Variants in CMYA5 observed in about 807,000 individuals in gnomAD.
CMYA5 encodes cardiomyopathy-associated protein 5.
CMYA5 carries 246 observed loss-of-function variants against 318.9 expected under a neutral mutation model. The ratio of observed to expected loss-of-function variants is 0.77; its 90% confidence interval spans 0.70 to 0.86. The LOEUF (loss-of-function observed/expected upper bound fraction) is 0.86. Among genes scored for constraint, CMYA5 ranks in the 40% least tolerant of loss-of-function variants. The pLI is 0.00. For synonymous variants in CMYA5, 1,641 were observed against 1,729.5 expected, an observed-to-expected ratio of 0.95 and a Z score of 1.27; for missense variants, 4,589 against 4,678.2, an observed-to-expected ratio of 0.98 and a Z score of 0.56.
chr5:79,758,594 A>G (rs1015950047), intron 6 of CMYA5, among the ~76,000 whole-genome samples, 159 bp from the exon 7 acceptor site: 1 of 152,064 alleles, frequency 6.6e-6, no homozygotes, highest in East Asian at 1.9e-4. Context: ...ATAAAAAAAT[A>G]TAATTGGGGT....
chr5:79,745,476 G>A, intron 4 of CMYA5, 21 bp downstream of exon 4: 2 of 1,546,814 alleles, frequency 1.3e-6, no homozygotes, highest in Non-Finnish European at 1.8e-6. Context: ...AGTAAAATGG[G>A]CTCAAACACC....
intron 1 of CMYA5, among the ~76,000 whole-genome samples, chr5:79,716,476 T>C (rs532459938): frequency 6.6e-6 from 1 of 152,316 alleles, no homozygotes; most frequent in South Asian, 2.1e-4. Context: ...CACAGTAGAA[T>C]GGGGAAGAGT....
In CMYA5 at chr5:79,737,915, G is replaced by A. The variant is rs777974126; in HGVS notation, c.9150G>A (p.Glu3050=). The A allele has an allele frequency of 6.2e-7, 1 of 1,606,246 alleles. No homozygotes were observed. The highest frequency in any genetic ancestry group is 1.1e-5 in the South Asian group (1 of 88,482). ...TTCAGCCCACAATTCCCAGTGAAGA[G>A]GATTATTTTGAAAAATATACTTTGA... ...SFIQPTIPSE[E]DYFEKYTLID... The change falls in exon 2 of 13, where the codon GAG becomes GAA. Residue 3050 remains glutamate (E), a synonymous_variant. Coordinates refer to ENST00000446378, the MANE Select transcript of CMYA5 (RefSeq NM_153610.5).
Position 79,733,337 on chromosome 5 carries a change from G to T in CMYA5, c.4572G>T (p.Glu1524Asp), listed in dbSNP as rs750242276. Residue 1524 changes from glutamate (E) to aspartate (D), a missense_variant, in exon 2 of 13, where the codon GAG becomes GAT. Physicochemically the swap from Glu to Asp is conservative, Grantham distance 45 (BLOSUM62 2). This residue lies in a region of CMYA5 where 2,132 missense variants were observed against 2,131.3 expected (regional missense o/e 1.00). Coordinates refer to ENST00000446378, the MANE Select transcript of CMYA5 (RefSeq NM_153610.5). ...KSLMSTSEVL[E>D]PEHELPLSLW... is the part of the protein sequence containing the mutation. ...TGATGTCTACCTCAGAGGTGTTAGAGCCTGAACATGAGCTTCCACTCAGCC... is the reference window on the plus strand; with the variant it reads ...TGATGTCTACCTCAGAGGTGTTAGATCCTGAACATGAGCTTCCACTCAGCC... 1 of 1,613,570 alleles carries T rather than the reference G, an allele frequency of 6.2e-7. No individual in the cohort carries two copies. The highest frequency in any genetic ancestry group is 8.5e-7 in the Non-Finnish European group (1 of 1,179,820).
At chr5:79,705,569 C>T (rs1260487987) in intron 1 of CMYA5, among the ~76,000 whole-genome samples, 1 of 152,058 alleles carries the variant, frequency 6.6e-6, no homozygotes, top group African/African-American at 2.4e-5. Flanking sequence ...TTTTATTTCC[C>T]ACCCACACAT....
chr5:79,791,645 C>T (rs901362823), intron 11 of CMYA5, among the ~76,000 whole-genome samples: 3 of 144,914 alleles, frequency 2.1e-5, no homozygotes, highest in African/African-American at 5.2e-5. Flanking sequence ...ACTTGAACCT[C>T]GGAGGTGGAG....
chr5:79,728,701 T>A (rs1445836938), intron 1 of CMYA5, among the ~76,000 whole-genome samples: 6 of 152,110 alleles, frequency 3.9e-5, no homozygotes, highest in African/African-American at 1.2e-4. Flanking sequence ...AGTGAGTCAT[T>A]CCAGCCTGGG....
Position 79,734,423 on chromosome 5 carries a change from TA to T in CMYA5, c.5659del (p.Ile1887PhefsTer24). The T allele has an allele frequency of 6.2e-7, 1 of 1,613,746 alleles. No individual in the cohort carries two copies. The highest frequency in any genetic ancestry group is 8.5e-7 in the Non-Finnish European group (1 of 1,179,806). ...AAGAAACAAAAATGGAAGAATTCTTTATTTCTCCAAAGGATGAAAACTGGAT... is the reference window on the plus strand; with the variant it reads ...AAGAAACAAAAATGGAAGAATTCTTTTTTCTCCAAAGGATGAAAACTGGAT... ...VKETKMEEFFISPKDENWMLG... is the reference protein window; with the variant it reads ...VKETKMEEFFXSPKDENWMLG... On this transcript the variant is annotated frameshift_variant, in exon 2 of 13. Transcript: ENST00000446378. LOFTEE classifies it high-confidence loss of function.
In CMYA5 at chr5:79,738,743, A is replaced by G. The variant is rs1828145127; in HGVS notation, c.9978A>G (p.Thr3326=). ...NVAMQKKAPI[T]EDVRVATQKI... is the part of the protein sequence containing the mutation. ...CGATGCAGAAGAAAGCTCCCATCAC[A>G]GAGGACGTCAGAGTGGCTACCCAGA... Residue 3326 remains threonine (T), a synonymous_variant, in exon 2 of 13, where the codon ACA becomes ACG. Coordinates refer to ENST00000446378, the MANE Select transcript of CMYA5 (RefSeq NM_153610.5). 1 of 1,613,976 alleles carries G rather than the reference A, an allele frequency of 6.2e-7. No homozygotes were observed. Among genetic ancestry groups the G allele is most frequent in the Non-Finnish European group, 8.5e-7 (1 of 1,179,866 alleles).
intron 1 of CMYA5, among the ~76,000 whole-genome samples, chr5:79,698,735 C>T (rs1052942312): frequency 6.6e-6 from 1 of 152,188 alleles, no homozygotes; most frequent in Non-Finnish European, 1.5e-5. Flanking sequence ...TAGCACCTAT[C>T]GTTATCTGCA....
chr5:79,759,236 G>A (rs1449895461), intron 7 of CMYA5, among the ~76,000 whole-genome samples: 1 of 152,206 alleles, frequency 6.6e-6, no homozygotes, highest in African/African-American at 2.4e-5. Flanking sequence ...GAGTTTCAAG[G>A]AAAATAAAGT....
intron 11 of CMYA5, among the ~76,000 whole-genome samples, chr5:79,791,585 G>A (rs976435759): frequency 7.2e-5 from 11 of 152,024 alleles, no homozygotes; most frequent in African/African-American, 2.7e-4. Context: ...GCCAGGTGTG[G>A]TGGTGCACGC....
chr5:79,749,566 T>C (rs1006856547), intron 5 of CMYA5, among the ~76,000 whole-genome samples: 2 of 152,132 alleles, frequency 1.3e-5, no homozygotes, highest in Non-Finnish European at 2.9e-5. Flanking sequence ...CCAGAAATGT[T>C]GAAAAATTAA....
rs775033853 is a variant in CMYA5, at chr5:79,731,326, A to C, written c.2561A>C (p.His854Pro). 3.1e-6 allele frequency: 5 copies of C among 1,613,624 alleles called. 1 individual carries two copies. The South Asian group carries it at 5.5e-5, about 18-fold the overall frequency. ...CCAGATTTGGTTGTTGCATCTGAAC[A>C]CTCTTTCCCACCACACACAACCGAG... ...SSPDLVVASEHSFPPHTTEMT... is the reference protein window; with the variant it reads ...SSPDLVVASEPSFPPHTTEMT... The change falls in exon 2 of 13, where the codon CAC (histidine) becomes CCC (proline). Residue 854 changes from histidine (H) to proline (P), a missense_variant. Around this residue, in one of 3 missense-constraint regions of CMYA5, gnomAD observed 2,132 missense variants for 2,131.3 expected, o/e 1.00. Coordinates refer to ENST00000446378, the MANE Select transcript of CMYA5 (RefSeq NM_153610.5).
At position 79,733,580 on chromosome 5, in the gene CMYA5, C is replaced by A. The variant is rs375281848; in HGVS notation, c.4815C>A (p.Asp1605Glu). Residue 1605 changes from aspartate (D) to glutamate (E), a missense_variant, in exon 2 of 13, where the codon GAC (aspartate) becomes GAA (glutamate). By Grantham distance (45) the Asp-to-Glu change is conservative. Transcript: ENST00000446378. ...AGGTATCTTCTACAGCTCAGGGAGA[C>A]TTCCCATCAGAAAAACAAGATGTTG... Reference protein sequence around the residue: ...AVEVSSTAQGDFPSEKQDVAL... With the variant: ...AVEVSSTAQGEFPSEKQDVAL... 5.6e-6 allele frequency: 9 copies of A among 1,613,834 alleles called. No individual in the cohort carries two copies. The highest frequency in any genetic ancestry group is 2.2e-5 in the East Asian group (1 of 44,864).
chr5:79,740,415 A>G (rs1828187708), intron 2 of CMYA5, among the ~76,000 whole-genome samples: 1 of 152,238 alleles, frequency 6.6e-6, no homozygotes, highest in South Asian at 2.1e-4. Flanking sequence ...AAAACTGCAA[A>G]AAGCAGTTTC....
chr5:79,703,111 C>T (rs77550526), intron 1 of CMYA5, among the ~76,000 whole-genome samples: 3,226 of 152,280 alleles, frequency 0.021, 115 homozygotes, highest in African/African-American at 0.072. Context: ...GTCTGCTGGA[C>T]CAGCAGGGGG....
chr5:79,725,895 CTCTG>C (rs1489054801), intron 1 of CMYA5, among the ~76,000 whole-genome samples: 5 of 152,176 alleles, frequency 3.3e-5, no homozygotes, highest in African/African-American at 1.2e-4. Context: ...CAGAGCAAGA[CTCTG>C]TCTCATAAAA....
In CMYA5 at chr5:79,739,059, G is replaced by A; in HGVS notation, c.10294G>A (p.Val3432Ile). 6.2e-7 allele frequency: 1 copy of A among 1,613,866 alleles called. No homozygotes were observed. The highest frequency in any genetic ancestry group is 8.5e-7 in the Non-Finnish European group (1 of 1,179,862). Residue 3432 changes from valine to isoleucine, a missense_variant, in exon 2 of 13, where the codon GTT becomes ATT. Val to Ile is a conservative substitution (Grantham distance 29). Transcript: ENST00000446378. ...EFTESLHNEVVPQDILSEELS... is the reference protein window; with the variant it reads ...EFTESLHNEVIPQDILSEELS... The stretch of plus-strand genomic sequence containing the variant: ...TACAGAATCCCTGCATAATGAAGTG[G>A]TTCCTCAAGACATATTATCAGAAGA...
Sources: allele counts gnomAD v4.1 joint callset (sites outside exome capture counted in the v4.1 genomes callset), GRCh38; gene constraint gnomAD v4.1.1; regional missense constraint gnomAD v4.1.1; transcripts MANE v1.5; gene names NCBI Gene and HGNC (gene_info 2026-07-23, HGNC 2026-07-21).